RNF103: variants seen among roughly 807,000 people sequenced by gnomAD.
RNF103 encodes ring finger protein 103.
A neutral mutation model predicts 66.2 loss-of-function variants in RNF103; 23 were observed. The observed-to-expected ratio is 0.35, with a 90% confidence interval of 0.25 to 0.49. The LOEUF (loss-of-function observed/expected upper bound fraction) is 0.49. Ranked by LOEUF, RNF103 falls within the 20% of genes least tolerant of loss-of-function variation. RNF103 has a pLI of 0.98. For missense variants in RNF103, 730 were observed against 814.7 expected, an observed-to-expected ratio of 0.90 and a Z score of 1.27; for synonymous variants, 297 against 289.9, an observed-to-expected ratio of 1.02 and a Z score of -0.25.
In RNF103 at chr2:86,620,106, T is replaced by C. The variant is rs567616297; in HGVS notation, c.366+224A>G. ...GCTTCTGGGGATTCTAAACAAAAAG[T>C]TGACCCCCATCCCCCATCTTTCTCT... On this transcript the variant is annotated intron_variant, in intron 2 of 3. Transcript: ENST00000237455. 9.8e-5 allele frequency among the ~76,000 whole-genome samples: 15 copies of C among 152,314 alleles called. No individual in the cohort carries two copies. The South Asian group carries it at 3.1e-3, about 32-fold the overall frequency.
Position 86,623,053 on chromosome 2 carries a change from G to C in RNF103, c.-167C>G, listed in dbSNP as rs555216042. 4 of 1,329,020 alleles carry C rather than the reference G, an allele frequency of 3.0e-6. No individual in the cohort carries two copies. In the African/African-American group the frequency reaches 6.2e-5, roughly 21 times the overall value. 82.3% of individuals were successfully genotyped at this position (1,329,020 alleles called of 1,614,324 possible). ...CATCCCCGGCGGGGAAGCAGGTGAC[G>C]GGATCCGCGCGGGCGCGAGGCGGCG... is the stretch of plus-strand genomic sequence containing the variant. On this transcript the variant is annotated 5_prime_UTR_variant, in exon 1 of 4. Transcript: ENST00000237455.
intron 3 of RNF103, among the ~76,000 whole-genome samples, chr2:86,608,123 T>G (rs980970815): frequency 6.6e-6 from 1 of 152,174 alleles, no homozygotes; most frequent in East Asian, 1.9e-4. Flanking sequence ...CTTAGAGAAT[T>G]TTAAGACTAA....
chr2:86,613,770 G>A (rs1180684836), intron 2 of RNF103: 2 of 152,144 alleles, frequency 1.3e-5, no homozygotes, highest in Non-Finnish European at 2.9e-5. Flanking sequence ...GTGATGACAA[G>A]TGACTTGAAG....
At chr2:86,606,375 T>C (rs534799632) in intron 3 of RNF103, among the ~76,000 whole-genome samples, 125 of 152,116 alleles carry the variant, frequency 8.2e-4, no homozygotes, top group African/African-American at 2.9e-3. Context: ...TATTAAAAAC[T>C]GAAAACAGGC....
At chr2:86,610,125 T>TAATA (rs1678735616) in intron 3 of RNF103, among the ~76,000 whole-genome samples, 1 of 152,216 alleles carries the variant, frequency 6.6e-6, no homozygotes, top group South Asian at 2.1e-4. Context: ...GGCACATTAT[T>TAATA]GGAACTGGTA....
intron 2 of RNF103, chr2:86,612,822 T>C (rs1318354897): frequency 6.6e-6 from 1 of 152,336 alleles, no homozygotes; most frequent in African/African-American, 2.4e-5. Flanking sequence ...TGCTTAATCA[T>C]GAACGGCTCT....
At position 86,612,278 on chromosome 2, in the gene RNF103, T is replaced by C; in HGVS notation, c.367-4A>G. ...GACTTCTGTCATTTGCTATGACCTA[T>C]TCCCAAAAATAGAGAAAAAGAAACT... On this transcript the variant is annotated splice_polypyrimidine_tract_variant and splice_region_variant and intron_variant, in intron 2 of 3. Coordinates refer to ENST00000237455, the MANE Select transcript of RNF103 (RefSeq NM_005667.4). The C allele has an allele frequency of 6.4e-7, 1 of 1,564,124 alleles. No individual in the cohort carries two copies. The highest frequency in any genetic ancestry group is 8.7e-7 in the Non-Finnish European group (1 of 1,146,040).
At chr2:86,606,404 C>G (rs916487431) in intron 3 of RNF103, among the ~76,000 whole-genome samples, 6 of 151,994 alleles carry the variant, frequency 3.9e-5, no homozygotes, top group African/African-American at 1.5e-4. Flanking sequence ...GTGGCTCACA[C>G]CTGTAATCCC....
chr2:86,615,595 A>G (rs912887374), intron 2 of RNF103, among the ~76,000 whole-genome samples: 1 of 151,296 alleles, frequency 6.6e-6, no homozygotes, highest in Non-Finnish European at 1.5e-5. Flanking sequence ...TTTATAGCTC[A>G]TATCCTAGAA....
intron 2 of RNF103, among the ~76,000 whole-genome samples, chr2:86,615,920 A>C (rs1261846587): frequency 6.6e-6 from 1 of 152,190 alleles, no homozygotes; most frequent in Non-Finnish European, 1.5e-5. Context: ...ATGTCAAACC[A>C]AACAATTTCA....
At chr2:86,607,019 T>TA (rs1441311117) in intron 3 of RNF103, among the ~76,000 whole-genome samples, 3 of 152,122 alleles carry the variant, frequency 2.0e-5, no homozygotes, top group African/African-American at 7.2e-5. Flanking sequence ...TGGTTTTAGT[T>TA]AGTTTTTCAT....
At position 86,605,071 on chromosome 2, in the gene RNF103, A is replaced by C; in HGVS notation, c.830T>G (p.Met277Arg). ...NVENWDNKSY[M>R]TDIGIYNMPS... ...CATATTATATATGCCAATATCTGTC[A>C]TATAACTCTTGTTGTCCCAATTTTC... is the stretch of plus-strand genomic sequence containing the variant. Residue 277 changes from methionine to arginine, a missense_variant, in exon 4 of 4, where the codon ATG becomes AGG. Around this residue, in one of 3 missense-constraint regions of RNF103, gnomAD observed 327 missense variants for 369.8 expected, o/e 0.88. Transcript: ENST00000237455. 6.2e-7 allele frequency: 1 copy of C among 1,613,940 alleles called. No individual in the cohort carries two copies. The highest frequency in any genetic ancestry group is 8.5e-7 in the Non-Finnish European group (1 of 1,179,972).
In RNF103 at chr2:86,604,191, G is replaced by A; in HGVS notation, c.1710C>T (p.His570=). Residue 570 remains histidine (H), a synonymous_variant, in exon 4 of 4, where the codon CAC becomes CAT. Coordinates refer to ENST00000237455, the MANE Select transcript of RNF103 (RefSeq NM_005667.4). ...CACATGAACAAGCCTCAGCATCACA[G>A]TGACTTGCTGTTCCTGGAGAATTGT... ...VLHNSPGTAS[H]CDAEACSCAN... The A allele has an allele frequency of 6.2e-7, 1 of 1,613,908 alleles. No homozygotes were observed.
intron 2 of RNF103, chr2:86,616,369 G>A: frequency 9.3e-6 from 5 of 537,468 alleles, no homozygotes; most frequent in Non-Finnish European, 1.2e-5. Flanking sequence ...AGCCAACCTA[G>A]TATATACATG....
In RNF103 at chr2:86,603,649, T is replaced by A. The variant is rs1335727857; in HGVS notation, c.*194A>T. 60 of 679,934 alleles carry A rather than the reference T, an allele frequency of 8.8e-5. No homozygotes were observed. Among genetic ancestry groups the A allele is most frequent in the African/African-American group, 1.9e-5 (1 of 54,038 alleles). The allele number at this position is 679,934 out of a possible 1,614,324, so 42.1% of individuals were successfully genotyped here. A position where few individuals can be genotyped will look rare whatever the true frequency, so the allele number is the denominator to read the frequency against. ...ATTTCCAATGTTGTAAATAAAAAAA[T>A]TTTACAATTAGGTATGCATTCAATT... On this transcript the variant is annotated 3_prime_UTR_variant, in exon 4 of 4. Transcript: ENST00000237455.
chr2:86,623,388 C>A lies in RNF103; in HGVS notation c.-502G>T. 1.0e-6 allele frequency: 1 copy of A among 979,560 alleles called. No individual in the cohort carries two copies. Among genetic ancestry groups the A allele is most frequent in the African/African-American group, 1.8e-5 (1 of 56,892 alleles). The allele number at this position is 979,560 out of a possible 1,614,324, so 60.7% of individuals were successfully genotyped here. ...CGAGGGGCCGTGGGGGCCGGACTCC[C>A]GCGGCCGCGGGTCAGGAGGGCGCGG... On this transcript the variant is annotated 5_prime_UTR_variant, in exon 1 of 4. Coordinates refer to ENST00000237455, the MANE Select transcript of RNF103 (RefSeq NM_005667.4).
Position 86,604,548 on chromosome 2 carries a change from G to A in RNF103, c.1353C>T (p.Asn451=). Reference sequence around the variant, plus strand: ...CCCACAGACTTGATAACCATTCTAAGTTATTGGCATTGACTTCATCATTGT... The same window carrying A: ...CCCACAGACTTGATAACCATTCTAAATTATTGGCATTGACTTCATCATTGT... ...NNNNDEVNAN[N]LEWLSSLWDW... The change falls in exon 4 of 4, where the codon AAC becomes AAT. Residue 451 remains asparagine, a synonymous_variant. Coordinates refer to ENST00000237455, the MANE Select transcript of RNF103 (RefSeq NM_005667.4). The A allele has an allele frequency of 6.2e-7, 1 of 1,614,200 alleles. No individual in the cohort carries two copies. The highest frequency in any genetic ancestry group is 8.5e-7 in the Non-Finnish European group (1 of 1,180,044).
Position 86,604,428 on chromosome 2 carries a change from C to G in RNF103, c.1473G>C (p.Glu491Asp). The G allele has an allele frequency of 6.2e-7, 1 of 1,614,202 alleles. No homozygotes were observed. The highest frequency in any genetic ancestry group is 8.5e-7 in the Non-Finnish European group (1 of 1,180,040). The change falls in exon 4 of 4, where the codon GAG becomes GAC. Residue 491 changes from glutamate to aspartate, a missense_variant. By Grantham distance (45) the Glu-to-Asp change is conservative. Coordinates refer to ENST00000237455, the MANE Select transcript of RNF103 (RefSeq NM_005667.4). ...DWDEDPDLFL[E>D]RLAFPDLWLH... is the part of the protein sequence containing the mutation. ...GCCAAAGGTCAGGGAAAGCTAAGCG[C>G]TCCAAGAATAAGTCAGGGTCTTCGT...
At chr2:86,611,609 G>C (rs1312349065) in intron 3 of RNF103, among the ~76,000 whole-genome samples, 2 of 151,978 alleles carry the variant, frequency 1.3e-5, no homozygotes, top group Non-Finnish European at 2.9e-5. Context: ...TTGAGAAAAT[G>C]GGGGGGAAAA....
Sources: allele counts gnomAD v4.1 joint callset (sites outside exome capture counted in the v4.1 genomes callset), GRCh38; gene constraint gnomAD v4.1.1; regional missense constraint gnomAD v4.1.1; transcripts MANE v1.5; gene names NCBI Gene and HGNC (gene_info 2026-07-23, HGNC 2026-07-21).